The following SH3GL2 variants were observed in gnomAD, a reference collection of about 807,000 sequenced individuals.
SH3GL2 encodes the protein SH3 domain containing GRB2 like 2, endophilin A1.
SH3GL2 carries 24 observed loss-of-function variants against 46.0 expected under a neutral mutation model. The observed-to-expected ratio is 0.52, with a 90% confidence interval of 0.38 to 0.73. The LOEUF is 0.73. Among genes scored for constraint, SH3GL2 ranks in the 30% least tolerant of loss-of-function variants. The probability of loss-of-function intolerance (pLI) is 0.00; values close to 1 mark genes in which losing one functional copy is unlikely to be tolerated. For missense variants in SH3GL2, 413 were observed against 424.2 expected (o/e 0.97, Z 0.23); for synonymous variants, 196 against 147.1 (o/e 1.33, Z -2.40).
intron 1 of SH3GL2, among the ~76,000 whole-genome samples, chr9:17,645,163 T>TTTTTTTTTTTTTTTTTTTTTTTTTA (rs1307371237): frequency 1.5e-5 from 1 of 66,912 alleles, no homozygotes; most frequent in Non-Finnish European, 3.1e-5. Context: ...TTTTTTTTTT[T>TTTTTTTTTTTTTTTTTTTTTTTTTA]TTTTTTTTTT....
chr9:17,633,459 T>C (rs1819477827), intron 1 of SH3GL2, among the ~76,000 whole-genome samples: 1 of 152,236 alleles, frequency 6.6e-6, no homozygotes, highest in African/African-American at 2.4e-5. Flanking sequence ...ATCTAGGTAC[T>C]GCACAAGTGT....
At chr9:17,746,919 G>T in intron 1 of SH3GL2, 147 bp from the exon 2 acceptor site, 1 of 599,766 alleles carries the variant, frequency 1.7e-6, no homozygotes, top group South Asian at 2.2e-5. Context: ...GCCACAGTTT[G>T]CTGCTATAAA....
intron 1 of SH3GL2, among the ~76,000 whole-genome samples, chr9:17,642,243 T>C (rs1819703079): frequency 6.6e-6 from 1 of 152,236 alleles, no homozygotes. Context: ...AAGTTCCTTG[T>C]TGATTATGGA....
chr9:17,687,226 A>C (rs1156423159), intron 1 of SH3GL2, among the ~76,000 whole-genome samples: 1 of 152,086 alleles, frequency 6.6e-6, no homozygotes, highest in East Asian at 1.9e-4. Flanking sequence ...AGTTTTTTTC[A>C]ATCCAATTTC....
intron 1 of SH3GL2, among the ~76,000 whole-genome samples, chr9:17,719,431 C>G (rs1821838526): frequency 6.6e-6 from 1 of 152,120 alleles, no homozygotes; most frequent in African/African-American, 2.4e-5. Flanking sequence ...GGGACAGAAT[C>G]TTGTCTAGAG....
chr9:17,664,859 G>T (rs1349445318), intron 1 of SH3GL2, among the ~76,000 whole-genome samples: 2 of 151,022 alleles, frequency 1.3e-5, no homozygotes, highest in Non-Finnish European at 3.0e-5. Flanking sequence ...CATTTTAGAG[G>T]AAATTTATTC....
intron 5 of SH3GL2, among the ~76,000 whole-genome samples, chr9:17,787,928 A>G (rs978078358): frequency 3.6e-4 from 55 of 151,960 alleles, no homozygotes; most frequent in Non-Finnish European, 1.5e-4. Context: ...ACATATTTTT[A>G]TTTTTTTCCA....
chr9:17,735,861 A>G lies in SH3GL2; in HGVS notation c.46-11205A>G, dbSNP rs147997030. ...ATTACTCTGCGTATATGTTTCATCT[A>G]TTGCAGCAGCCTTTCCTGTTACATA... On this transcript the variant is annotated intron_variant, in intron 1 of 8. Transcript: ENST00000380607. The G allele has an allele frequency of 1.0e-3, 360 of 349,102 alleles. 4 individuals are homozygous for G. The highest frequency in any genetic ancestry group is 6.1e-3 in the African/African-American group (276 of 45,152). The allele number at this position is 349,102 out of a possible 1,614,324, so 21.6% of individuals were successfully genotyped here. A position where few individuals can be genotyped will look rare whatever the true frequency, so the allele number is the denominator to read the frequency against.
intron 1 of SH3GL2, among the ~76,000 whole-genome samples, chr9:17,717,689 T>C (rs1183162480): frequency 6.6e-6 from 1 of 152,138 alleles, no homozygotes; most frequent in East Asian, 1.9e-4. Context: ...ATAAAATTGC[T>C]AACAGAAGTA....
At chr9:17,722,633 C>T (rs1047631359) in intron 1 of SH3GL2, among the ~76,000 whole-genome samples, 7 of 151,918 alleles carry the variant, frequency 4.6e-5, no homozygotes, top group Non-Finnish European at 8.8e-5. Flanking sequence ...CTATTAAAAT[C>T]ATGCTGCAGT....
intron 1 of SH3GL2, among the ~76,000 whole-genome samples, chr9:17,657,134 C>A (rs1054764392): frequency 6.6e-6 from 1 of 152,204 alleles, no homozygotes; most frequent in Non-Finnish European, 1.5e-5. Flanking sequence ...AGCTCATACA[C>A]ACTGAATTAC....
chr9:17,612,807 A>G (rs374580590), intron 1 of SH3GL2, among the ~76,000 whole-genome samples: 3 of 152,252 alleles, frequency 2.0e-5, no homozygotes, highest in East Asian at 1.9e-4. Context: ...GAAACCCCAT[A>G]CCTATAAGCA....
chr9:17,784,186 G>T (rs1823891585), intron 3 of SH3GL2, among the ~76,000 whole-genome samples: 1 of 151,976 alleles, frequency 6.6e-6, no homozygotes, highest in South Asian at 2.1e-4. Flanking sequence ...TCCTTCTTAT[G>T]AAAATATAGA....
chr9:17,638,099 G>T lies in SH3GL2; in HGVS notation c.45+58812G>T, dbSNP rs189678110. 6.9e-3 allele frequency among the ~76,000 whole-genome samples: 1,053 copies of T among 152,050 alleles called. 13 individuals carry two copies. The highest frequency in any genetic ancestry group is 0.024 in the African/African-American group (987 of 41,486). On this transcript the variant is annotated intron_variant, in intron 1 of 8. Coordinates refer to ENST00000380607, the MANE Select transcript of SH3GL2 (RefSeq NM_003026.5). ...ATGAACCCGGGAGGCGGAGCTTGCA[G>T]TGAGCCGAGATCGCGCCACTGCACT...
intron 5 of SH3GL2, among the ~76,000 whole-genome samples, chr9:17,787,810 A>G (rs1257704231): frequency 6.6e-6 from 1 of 152,262 alleles, no homozygotes; most frequent in African/African-American, 2.4e-5. Flanking sequence ...CTGAGAATAC[A>G]CAGTTTTGTT....
intron 1 of SH3GL2, among the ~76,000 whole-genome samples, chr9:17,671,999 A>G (rs1820486861): frequency 6.6e-6 from 1 of 152,234 alleles, no homozygotes; most frequent in African/African-American, 2.4e-5. Flanking sequence ...AAGTCAGAGT[A>G]GAATCAACTA....
At chr9:17,685,738 G>T (rs1820886422) in intron 1 of SH3GL2, among the ~76,000 whole-genome samples, 1 of 151,998 alleles carries the variant, frequency 6.6e-6, no homozygotes, top group East Asian at 1.9e-4. Flanking sequence ...TCTCAGGTTT[G>T]TCAAAGATCA....
chr9:17,598,505 C>T (rs1212706507), intron 1 of SH3GL2, among the ~76,000 whole-genome samples: 1 of 152,204 alleles, frequency 6.6e-6, no homozygotes. Context: ...TGAGAAGAAA[C>T]CAGGCCTTTG....
intron 1 of SH3GL2, among the ~76,000 whole-genome samples, chr9:17,637,205 C>A (rs1386500508): frequency 6.6e-6 from 1 of 152,070 alleles, no homozygotes; most frequent in African/African-American, 2.4e-5. Flanking sequence ...TGTATTTCAG[C>A]CCAAAGTTAA....
Sources: gnomAD v4.1 joint callset for allele counts (sites outside exome capture counted in the v4.1 genomes callset) on GRCh38, gnomAD v4.1.1 for gene constraint, MANE v1.5 for transcripts, NCBI Gene and HGNC (gene_info 2026-07-23, HGNC 2026-07-21) for gene names.